CPNE8: variants seen among roughly 807,000 people sequenced by gnomAD.
The protein encoded by CPNE8 is copine-8.
CPNE8 carries 45 observed loss-of-function variants against 81.5 expected under a neutral mutation model. That is an observed-to-expected ratio of 0.55 (90% CI 0.44 to 0.71). The LOEUF (loss-of-function observed/expected upper bound fraction) is 0.71. Among genes scored for constraint, CPNE8 ranks in the 30% least tolerant of loss-of-function variants. The pLI, the probability that CPNE8 is intolerant of heterozygous loss-of-function variation, is 0.00. For missense variants in CPNE8, 594 were observed against 672.1 expected, an observed-to-expected ratio of 0.88 and a Z score of 1.28; for synonymous variants, 252 against 226.3, an observed-to-expected ratio of 1.11 and a Z score of -1.02.
chr12:38,779,184 C>G lies in CPNE8; in HGVS notation c.408-2883G>C, dbSNP rs140310723. 9.4e-3 allele frequency among the ~76,000 whole-genome samples: 1,425 copies of G among 152,248 alleles called. 20 individuals carry two copies. The highest frequency in any genetic ancestry group is 0.04 in the South Asian group (193 of 4,818). Reference sequence around the variant, plus strand: ...AATGCTGAATAAAATATGCAAAGATCTTTATAAATGCTCAGATAACATTGC... The same window carrying G: ...AATGCTGAATAAAATATGCAAAGATGTTTATAAATGCTCAGATAACATTGC... On this transcript the variant is annotated intron_variant, in intron 6 of 19. Coordinates refer to ENST00000331366, the MANE Select transcript of CPNE8 (RefSeq NM_153634.3).
At chr12:38,845,159 C>G (rs1250672159) in intron 4 of CPNE8, among the ~76,000 whole-genome samples, 3 of 152,090 alleles carry the variant, frequency 2.0e-5, no homozygotes, top group African/African-American at 7.2e-5. Context: ...CAAGTTTAAC[C>G]TAGTAATTGC....
chr12:38,893,714 AC>A (rs1258551404), intron 1 of CPNE8, among the ~76,000 whole-genome samples: 4 of 152,210 alleles, frequency 2.6e-5, no homozygotes, highest in African/African-American at 9.6e-5. Flanking sequence ...CTTTGCAGTA[AC>A]AATACTACTC....
At chr12:38,737,053 C>T (rs527930432) in intron 10 of CPNE8, among the ~76,000 whole-genome samples, 8 of 152,050 alleles carry the variant, frequency 5.3e-5, no homozygotes, top group African/African-American at 1.9e-4. Flanking sequence ...GTCTGTGTGA[C>T]TCAGTGTCCT....
chr12:38,821,343 G>T (rs1943106523), intron 6 of CPNE8, among the ~76,000 whole-genome samples: 1 of 152,068 alleles, frequency 6.6e-6, no homozygotes, highest in Non-Finnish European at 1.5e-5. Context: ...GTAAAGATTT[G>T]TTGAATATAT....
At chr12:38,745,620 G>A (rs1941209627) in intron 10 of CPNE8, among the ~76,000 whole-genome samples, 1 of 152,144 alleles carries the variant, frequency 6.6e-6, no homozygotes, top group African/African-American at 2.4e-5. Context: ...ACAGCTCATT[G>A]CAGCCTGGAC....
chr12:38,845,603 A>AATAT (rs10688139), intron 4 of CPNE8, among the ~76,000 whole-genome samples: 139 of 150,726 alleles, frequency 9.2e-4, no homozygotes, highest in African/African-American at 2.3e-3. Flanking sequence ...TCACAGGTAT[A>AATAT]ATATATATAT....
chr12:38,781,530 G>C (rs1039147008), intron 6 of CPNE8, among the ~76,000 whole-genome samples: 1 of 151,876 alleles, frequency 6.6e-6, no homozygotes, highest in Admixed American at 6.6e-5. Flanking sequence ...AATTGAAAAG[G>C]GTTGCAAGAA....
chr12:38,826,150 T>A (rs1565636999), intron 6 of CPNE8, among the ~76,000 whole-genome samples: 1 of 152,180 alleles, frequency 6.6e-6, no homozygotes, highest in Non-Finnish European at 1.5e-5. Context: ...CTTAGAAAAA[T>A]TTAGAAATCT....
intron 4 of CPNE8, among the ~76,000 whole-genome samples, chr12:38,844,801 A>C (rs1285392873): frequency 2.0e-5 from 3 of 152,176 alleles, no homozygotes; most frequent in African/African-American, 7.2e-5. Context: ...CAGTTTAGAT[A>C]AAACATGTTC....
intron 2 of CPNE8, among the ~76,000 whole-genome samples, chr12:38,873,918 T>C (rs969982375): frequency 2.0e-5 from 3 of 152,174 alleles, no homozygotes; most frequent in African/African-American, 7.2e-5. Context: ...TTTCACTTGG[T>C]TGTAAATTGT....
intron 13 of CPNE8, among the ~76,000 whole-genome samples, chr12:38,706,901 T>C (rs1201527495): frequency 6.6e-6 from 1 of 152,232 alleles, no homozygotes; most frequent in Non-Finnish European, 1.5e-5. Context: ...TGGTTGCAGA[T>C]ACAAGACTTC....
chr12:38,776,614 A>G (rs1286124997), intron 6 of CPNE8, among the ~76,000 whole-genome samples: 3 of 152,002 alleles, frequency 2.0e-5, no homozygotes, highest in African/African-American at 4.8e-5. Context: ...CCGGCCCTCA[A>G]TGAGACTAAA....
At chr12:38,790,816 G>C (rs976370808) in intron 6 of CPNE8, among the ~76,000 whole-genome samples, 1 of 151,644 alleles carries the variant, frequency 6.6e-6, no homozygotes, top group African/African-American at 2.4e-5. Context: ...AATGACCTTT[G>C]AGAGACTGGA....
chr12:38,872,975 T>G (rs780498683), intron 3 of CPNE8, 29 bp downstream of exon 3: 3 of 1,307,552 alleles, frequency 2.3e-6, no homozygotes, highest in South Asian at 1.2e-5. Flanking sequence ...TCAAGCCCAG[T>G]GATTTTTTTA....
chr12:38,708,010 C>A (rs1441222531), intron 13 of CPNE8, among the ~76,000 whole-genome samples: 1 of 152,174 alleles, frequency 6.6e-6, no homozygotes, highest in East Asian at 1.9e-4. Flanking sequence ...GATAGCACAG[C>A]ATTTTATCAT....
intron 19 of CPNE8, among the ~76,000 whole-genome samples, chr12:38,660,660 C>T (rs531044083): frequency 6.6e-6 from 1 of 152,044 alleles, no homozygotes; most frequent in Non-Finnish European, 1.5e-5. Flanking sequence ...AAAAGACTAC[C>T]ATCAGAGTGA....
At chr12:38,886,768 C>T (rs1485251925) in intron 1 of CPNE8, among the ~76,000 whole-genome samples, 2 of 152,090 alleles carry the variant, frequency 1.3e-5, no homozygotes, top group African/African-American at 2.4e-5. Flanking sequence ...ACTGTCGGCC[C>T]AGCCAGGGTC....
At chr12:38,772,339 A>G (rs1941820047) in intron 7 of CPNE8, among the ~76,000 whole-genome samples, 1 of 152,186 alleles carries the variant, frequency 6.6e-6, no homozygotes, top group Admixed American at 6.5e-5. Context: ...GATACTGTAT[A>G]CTATAAAGGT....
intron 13 of CPNE8, among the ~76,000 whole-genome samples, chr12:38,704,826 G>GTATATAGATGTGTATATATATATATATA (rs1940051879): frequency 2.0e-5 from 1 of 50,198 alleles, no homozygotes; most frequent in Non-Finnish European, 5.5e-5. Flanking sequence ...GTATGTATGT[G>GTATATAGATGTGTATATATATATATATA]TATATATATA....
Sources: gnomAD v4.1 joint callset for allele counts (sites outside exome capture counted in the v4.1 genomes callset) on GRCh38, gnomAD v4.1.1 for gene constraint, MANE v1.5 for transcripts, NCBI Gene and HGNC (gene_info 2026-07-23, HGNC 2026-07-21) for gene names.